PAK2: variants seen among roughly 807,000 people sequenced by gnomAD.
The protein encoded by PAK2 is p21 (RAC1) activated kinase 2.
Under a neutral mutation model 65.9 loss-of-function variants are expected in PAK2, and 21 were observed. The ratio of observed to expected loss-of-function variants is 0.32; its 90% CI spans 0.23 to 0.46. The LOEUF (loss-of-function observed/expected upper bound fraction) is 0.46. Ranked by LOEUF, PAK2 falls within the 20% of genes least tolerant of loss-of-function variation. The pLI, the probability that PAK2 is intolerant of heterozygous loss-of-function variation, is 1.00. For missense variants in PAK2, 324 were observed against 642.6 expected (o/e 0.50, Z 5.36); for synonymous variants, 204 against 219.7 (o/e 0.93, Z 0.63).
chr3:196,812,598 G>A (rs1252846708), intron 9 of PAK2, 141 bp from the exon 10 acceptor site: 4 of 599,804 alleles, frequency 6.7e-6, no homozygotes, highest in East Asian at 5.5e-5. Context: ...TGCACAGGCA[G>A]TGTGCAAGGC....
rs1267401688 is a variant in PAK2, at chr3:196,830,402, A to G, written c.*1997A>G. The G allele has an allele frequency of 2.0e-5, 3 of 152,126 alleles. No individual in the cohort carries two copies. Among genetic ancestry groups the G allele is most frequent in the Admixed American group, 1.3e-4 (2 of 15,256 alleles). The allele number at this position is 152,126 out of a possible 1,614,324, so 9.4% of individuals were successfully genotyped here. On this transcript the variant is annotated 3_prime_UTR_variant, in exon 15 of 15. Transcript: ENST00000327134. ...CAGTGCCACCTGAGTTCCAAATTTT[A>G]CCATTCTTTGTAAACAGTTGGATGG...
At chr3:196,804,588 C>T (rs1715522793) in intron 4 of PAK2, among the ~76,000 whole-genome samples, 1 of 152,102 alleles carries the variant, frequency 6.6e-6, no homozygotes, top group African/African-American at 2.4e-5. Context: ...CTGCCTCAGC[C>T]TCCTGAGTAG....
rs184171072 is a variant in PAK2, at chr3:196,767,304, T to C, written c.-21-15322T>C. ...GATTTTTAGAAACGGGATATATGGG[T>C]CAAAAGGTATATATGTAGTCGGTAC... On this transcript the variant is annotated intron_variant, in intron 1 of 14. Coordinates refer to ENST00000327134, the MANE Select transcript of PAK2 (RefSeq NM_002577.4). 1.5e-3 allele frequency among the ~76,000 whole-genome samples: 227 copies of C among 152,164 alleles called. 3 individuals carry two copies. The highest frequency in any genetic ancestry group is 5.3e-3 in the African/African-American group (221 of 41,500).
chr3:196,766,931 C>CGTGTGTGTGTGTGTGTGT (rs60929724), intron 1 of PAK2, among the ~76,000 whole-genome samples: 11 of 134,338 alleles, frequency 8.2e-5, no homozygotes, highest in African/African-American at 2.7e-4. Flanking sequence ...AAGTACACCC[C>CGTGTGTGTGTGTGTGTGT]GTGTGTGTGT....
intron 7 of PAK2, among the ~76,000 whole-genome samples, chr3:196,809,410 C>T (rs182672874): frequency 3.3e-5 from 4 of 121,404 alleles, no homozygotes; most frequent in Non-Finnish European, 4.8e-5. Context: ...AGTGCAGTGG[C>T]GTGGCTCACT....
At chr3:196,828,056 T>G (rs1039061003) in intron 14 of PAK2, among the ~76,000 whole-genome samples, 1 of 129,916 alleles carries the variant, frequency 7.7e-6, no homozygotes, top group African/African-American at 3.0e-5. Context: ...TCCTCAGACC[T>G]GTTTACAGTT....
intron 2 of PAK2, among the ~76,000 whole-genome samples, chr3:196,794,938 G>A (rs1159679000): frequency 7.2e-5 from 11 of 152,214 alleles, no homozygotes; most frequent in South Asian, 6.2e-4. Flanking sequence ...CTAGGCTCGG[G>A]GGTGAGGAAA....
chr3:196,794,286 A>G (rs1308548078), intron 2 of PAK2, among the ~76,000 whole-genome samples: 2 of 152,196 alleles, frequency 1.3e-5, no homozygotes, highest in Non-Finnish European at 2.9e-5. Context: ...GTAGAAGCAC[A>G]CTGGCTTCAC....
chr3:196,749,964 G>C (rs183194990), intron 1 of PAK2, among the ~76,000 whole-genome samples: 236 of 151,512 alleles, frequency 1.6e-3, no homozygotes, highest in African/African-American at 5.2e-3. Context: ...CAGGACTACA[G>C]ATACGCTACC....
chr3:196,748,581 G>A (rs1402689596), intron 1 of PAK2, among the ~76,000 whole-genome samples: 5 of 152,130 alleles, frequency 3.3e-5, no homozygotes, highest in Middle Eastern at 3.2e-3. Context: ...ATTATATAGC[G>A]TGTAGCCTTT....
At chr3:196,746,457 A>G (rs558479968) in intron 1 of PAK2, among the ~76,000 whole-genome samples, 7 of 152,330 alleles carry the variant, frequency 4.6e-5, no homozygotes, top group Admixed American at 3.9e-4. Context: ...AATCCCACTC[A>G]TATTAGTCCT....
At position 196,815,398 on chromosome 3, in the gene PAK2, G is replaced by A. The variant is rs200898388; in HGVS notation, c.1053+830G>A. On this transcript the variant is annotated intron_variant, in intron 11 of 14. Coordinates refer to ENST00000327134, the MANE Select transcript of PAK2 (RefSeq NM_002577.4). ...TCCCAGCTACTCGCGAGGCTGAGGC[G>A]GGAGAATCGCTTGAGCTGAGGAGGC... Among the ~76,000 whole-genome samples the A allele has an allele frequency of 1.1e-3, 168 of 151,018 alleles. 2 individuals are homozygous for A. The East Asian group carries it at 0.013, about 12-fold the overall frequency.
intron 1 of PAK2, among the ~76,000 whole-genome samples, chr3:196,752,968 G>C (rs887201451): frequency 2.0e-5 from 3 of 150,444 alleles, no homozygotes; most frequent in African/African-American, 7.3e-5. Flanking sequence ...GTGAGAATGG[G>C]TTAAGAGAAA....
intron 13 of PAK2, among the ~76,000 whole-genome samples, chr3:196,821,015 C>G (rs1170408271): frequency 6.6e-6 from 1 of 152,062 alleles, no homozygotes; most frequent in East Asian, 1.9e-4. Flanking sequence ...GATTTTTGTA[C>G]TTTTCATAGA....
In PAK2 at chr3:196,827,302, A is replaced by G; in HGVS notation, c.1457A>G (p.Glu486Gly). 1 of 1,609,902 alleles carries G rather than the reference A, an allele frequency of 6.2e-7. No homozygotes were observed. The highest frequency in any genetic ancestry group is 8.5e-7 in the Non-Finnish European group (1 of 1,177,642). ...FLNRCLEMDV[E>G]KRGSAKELLQ... The stretch of plus-strand genomic sequence containing the variant: ...AATCGATGTTTGGAAATGGATGTGG[A>G]AAAAAGGGGTTCAGCCAAAGAATTA... The change falls in exon 14 of 15, where the codon GAA becomes GGA. Residue 486 changes from glutamate to glycine, a missense_variant. Coordinates refer to ENST00000327134, the MANE Select transcript of PAK2 (RefSeq NM_002577.4).
At chr3:196,810,917 A>G (rs993897191) in intron 8 of PAK2, among the ~76,000 whole-genome samples, 1 of 152,126 alleles carries the variant, frequency 6.6e-6, no homozygotes, top group African/African-American at 2.4e-5. Context: ...AGAATTGCCC[A>G]TAAAATATAT....
At chr3:196,750,064 G>C (rs1258117208) in intron 1 of PAK2, among the ~76,000 whole-genome samples, 2 of 150,038 alleles carry the variant, frequency 1.3e-5, no homozygotes, top group African/African-American at 4.9e-5. Flanking sequence ...TGGGCTCACT[G>C]CAACCTCCGC....
At chr3:196,753,557 A>G (rs1713676153) in intron 1 of PAK2, among the ~76,000 whole-genome samples, 1 of 152,254 alleles carries the variant, frequency 6.6e-6, no homozygotes, top group Admixed American at 6.5e-5. Context: ...AACCTTGTTT[A>G]TGTGAATTCA....
At chr3:196,759,489 G>GTTTTTTTTGTTTTTT (rs1713878093) in intron 1 of PAK2, among the ~76,000 whole-genome samples, 2 of 98,854 alleles carry the variant, frequency 2.0e-5, no homozygotes, top group African/African-American at 8.7e-5. Context: ...CAGTTAAGTG[G>GTTTTTTTTGTTTTTT]TTTTTTTTGT....
Sources: allele counts gnomAD v4.1 joint callset (sites outside exome capture counted in the v4.1 genomes callset), GRCh38; gene constraint gnomAD v4.1.1; transcripts MANE v1.5; gene names NCBI Gene and HGNC (gene_info 2026-07-23, HGNC 2026-07-21).